Variants in NCKAP5 observed in about 807,000 individuals in gnomAD.
NCKAP5 encodes the protein NCK associated protein 5, also known as nck-associated protein 5.
A neutral mutation model predicts 167.0 loss-of-function variants in NCKAP5; 92 were observed. That is an observed-to-expected ratio of 0.55 (90% CI 0.47 to 0.66). NCKAP5 has a LOEUF of 0.66. Among genes scored for constraint, NCKAP5 ranks in the 30% least tolerant of loss-of-function variants. The probability of loss-of-function intolerance (pLI) is 0.00; values close to 1 mark genes in which losing one functional copy is unlikely to be tolerated. For missense variants in NCKAP5, 2,378 were observed against 2,315.0 expected (o/e 1.03, Z -0.56); for synonymous variants, 891 against 877.4 (o/e 1.02, Z -0.27).
intron 4 of NCKAP5, among the ~76,000 whole-genome samples, chr2:133,227,615 A>C (rs955880392): frequency 1.3e-4 from 20 of 152,196 alleles, no homozygotes; most frequent in African/African-American, 4.1e-4. Flanking sequence ...GACTTTTATA[A>C]ACCATTCAAC....
the NCKAP5 span, among the ~76,000 whole-genome samples, chr2:133,575,296 C>A: frequency 6.6e-6 from 1 of 152,210 alleles, no homozygotes; most frequent in Admixed American, 6.5e-5. Flanking sequence ...CACATTGAAC[C>A]TTTTCCAGGT....
At chr2:133,057,155 T>G (rs555737428) in intron 6 of NCKAP5, among the ~76,000 whole-genome samples, 3 of 152,322 alleles carry the variant, frequency 2.0e-5, no homozygotes, top group Non-Finnish European at 2.9e-5. Flanking sequence ...GTGTTCTGAC[T>G]GCTCCACCAA....
chr2:133,313,223 T>G (rs549919796), intron 3 of NCKAP5, among the ~76,000 whole-genome samples: 1 of 152,268 alleles, frequency 6.6e-6, no homozygotes, highest in East Asian at 1.9e-4. Flanking sequence ...TCTGGCTAGA[T>G]GCAAAGCCAT....
intron 3 of NCKAP5, among the ~76,000 whole-genome samples, chr2:133,354,385 A>T (rs2150832009): frequency 6.6e-6 from 1 of 151,318 alleles, no homozygotes; most frequent in Non-Finnish European, 1.5e-5. Context: ...GCCTCCCAGT[A>T]GATGGGGCAA....
At chr2:133,363,333 T>TA (rs1240606796) in intron 3 of NCKAP5, among the ~76,000 whole-genome samples, 3 of 152,118 alleles carry the variant, frequency 2.0e-5, no homozygotes, top group Non-Finnish European at 4.4e-5. Flanking sequence ...TTTTTTTTTT[T>TA]ACCTATTGTC....
intron 6 of NCKAP5, among the ~76,000 whole-genome samples, chr2:133,126,210 A>T (rs2082399612): frequency 2.0e-5 from 3 of 152,114 alleles, no homozygotes; most frequent in Admixed American, 2.0e-4. Flanking sequence ...TTCTCCCTCC[A>T]TTGACTCACC....
chr2:133,560,765 T>C (rs982485262), intron 1 of NCKAP5, among the ~76,000 whole-genome samples: 5 of 152,184 alleles, frequency 3.3e-5, no homozygotes, highest in Non-Finnish European at 7.3e-5. Flanking sequence ...GGGCTTACTA[T>C]AGAGTGAGAA....
chr2:133,081,407 A>G (rs535275358), intron 6 of NCKAP5, among the ~76,000 whole-genome samples: 195 of 152,322 alleles, frequency 1.3e-3, no homozygotes, highest in African/African-American at 4.5e-3. Flanking sequence ...ACTGATGTTC[A>G]TCACTTAATA....
intron 8 of NCKAP5, among the ~76,000 whole-genome samples, chr2:132,926,383 T>C (rs896334715): frequency 1.5e-4 from 23 of 152,226 alleles, no homozygotes; most frequent in African/African-American, 5.5e-4. Flanking sequence ...TTAAGGTAGA[T>C]ACCCAGTAGT....
In NCKAP5 at chr2:132,674,643, T is replaced by C. The variant is rs573749001; in HGVS notation, c.5714-1338A>G. On this transcript the variant is annotated intron_variant, in intron 19 of 19. Coordinates refer to ENST00000409261, the MANE Select transcript of NCKAP5 (RefSeq NM_207363.3). Reference sequence around the variant, plus strand: ...TGTCTTTTGATTGGGAAAATAGATATAGCCAAAGCTTATGGATTCTCACAT... The same window carrying C: ...TGTCTTTTGATTGGGAAAATAGATACAGCCAAAGCTTATGGATTCTCACAT... 2.0e-5 allele frequency among the ~76,000 whole-genome samples: 3 copies of C among 152,236 alleles called. No homozygotes were observed. In the South Asian group the frequency reaches 6.2e-4, roughly 32 times the overall value.
At chr2:133,397,055 C>T (rs1687775786) in intron 3 of NCKAP5, among the ~76,000 whole-genome samples, 1 of 152,158 alleles carries the variant, frequency 6.6e-6, no homozygotes, top group Non-Finnish European at 1.5e-5. Flanking sequence ...TGGAATGACC[C>T]ATATCAGGTT....
At chr2:132,688,230 AG>A (rs1686219019) in intron 19 of NCKAP5, among the ~76,000 whole-genome samples, 1 of 152,202 alleles carries the variant, frequency 6.6e-6, no homozygotes, top group African/African-American at 2.4e-5. Flanking sequence ...GATGATTTTA[AG>A]GGGGATAATT....
chr2:133,087,319 A>G lies in NCKAP5; in HGVS notation c.341+42659T>C, dbSNP rs184099107. Among the ~76,000 whole-genome samples the G allele has an allele frequency of 2.2e-3, 337 of 152,360 alleles. 3 individuals carry two copies. Among genetic ancestry groups the G allele is most frequent in the African/African-American group, 7.4e-3 (309 of 41,578 alleles). On this transcript the variant is annotated intron_variant, in intron 6 of 19. Coordinates refer to ENST00000409261, the MANE Select transcript of NCKAP5 (RefSeq NM_207363.3). ...TACAAATCCAATGACAAAGTAACGCAAAGACCAAAAAGAACAGTCTAAAAA... is the reference window on the plus strand; with the variant it reads ...TACAAATCCAATGACAAAGTAACGCGAAGACCAAAAAGAACAGTCTAAAAA...
chr2:133,073,475 T>C (rs2080490706), intron 6 of NCKAP5, among the ~76,000 whole-genome samples: 1 of 152,152 alleles, frequency 6.6e-6, no homozygotes, highest in Non-Finnish European at 1.5e-5. Context: ...TCTCAGATAG[T>C]GCCAGGCTGG....
intron 16 of NCKAP5, among the ~76,000 whole-genome samples, chr2:132,754,292 G>T (rs1015228742): frequency 1.3e-5 from 2 of 151,998 alleles, no homozygotes; most frequent in African/African-American, 4.8e-5. Context: ...TTTTGTTACA[G>T]CAAGTACTTC....
At chr2:133,409,638 G>T (rs187488868) in intron 3 of NCKAP5, among the ~76,000 whole-genome samples, 1 of 152,098 alleles carries the variant, frequency 6.6e-6, no homozygotes, top group South Asian at 2.1e-4. Flanking sequence ...GTTAGGGTTC[G>T]TCATGGGCTT....
intron 4 of NCKAP5, among the ~76,000 whole-genome samples, chr2:133,254,143 C>T (rs1299152707): frequency 6.6e-6 from 1 of 152,194 alleles, no homozygotes; most frequent in African/African-American, 2.4e-5. Context: ...TCTCCTCCCA[C>T]AGCGAAAACA....
chr2:133,601,557 C>T, the NCKAP5 span, among the ~76,000 whole-genome samples: 1 of 152,006 alleles, frequency 6.6e-6, no homozygotes. Context: ...TGGTAAAACC[C>T]CATCTCTACT....
intron 14 of NCKAP5, 131 bp from the exon 15 acceptor site, chr2:132,781,360 G>A (rs771081781): frequency 8.8e-5 from 66 of 748,228 alleles, no homozygotes; most frequent in Non-Finnish European, 1.2e-4. Flanking sequence ...GACGGATAAG[G>A]GTTTCTCATG....
Sources: allele counts gnomAD v4.1 joint callset (sites outside exome capture counted in the v4.1 genomes callset), GRCh38; gene constraint gnomAD v4.1.1; transcripts MANE v1.5; gene names NCBI Gene and HGNC (gene_info 2026-07-23, HGNC 2026-07-21).